Variants in GUCY1A2 observed in about 807,000 individuals in gnomAD.
The protein encoded by GUCY1A2 is guanylate cyclase soluble subunit alpha-2.
In GUCY1A2, 27 loss-of-function variants were observed where a neutral mutation model predicts 63.5. The ratio of observed to expected loss-of-function variants is 0.43; its 90% CI spans 0.31 to 0.59. The LOEUF (loss-of-function observed/expected upper bound fraction) is 0.59, where lower values mean the gene tolerates loss of function less well. Ranked by LOEUF, GUCY1A2 falls within the 20% of genes least tolerant of loss-of-function variation. The pLI, the probability that GUCY1A2 is intolerant of heterozygous loss-of-function variation, is 0.11. For missense variants in GUCY1A2, 768 were observed against 913.3 expected (o/e 0.84, Z 2.05); for synonymous variants, 364 against 343.5 (o/e 1.06, Z -0.66).
At chr11:106,895,377 G>T (rs376041779) in intron 4 of GUCY1A2, among the ~76,000 whole-genome samples, 7 of 152,226 alleles carry the variant, frequency 4.6e-5, no homozygotes, top group African/African-American at 1.2e-4. Flanking sequence ...GAATACTTGT[G>T]ATATGGTTTG....
At chr11:106,821,098 CT>C (rs1194137201) in intron 4 of GUCY1A2, among the ~76,000 whole-genome samples, 1 of 152,078 alleles carries the variant, frequency 6.6e-6, no homozygotes, top group Non-Finnish European at 1.5e-5. Context: ...TGCCACTTTT[CT>C]TTTTAAATCA....
intron 3 of GUCY1A2, among the ~76,000 whole-genome samples, chr11:106,962,597 T>C (rs1861073145): frequency 6.6e-6 from 1 of 150,910 alleles, no homozygotes; most frequent in East Asian, 2.0e-4. Flanking sequence ...TATATGAGTG[T>C]GTGCAGGAAT....
chr11:106,941,193 G>T (rs1312628438), intron 3 of GUCY1A2, among the ~76,000 whole-genome samples: 2 of 152,198 alleles, frequency 1.3e-5, no homozygotes, highest in Non-Finnish European at 2.9e-5. Context: ...AGAATTAAAG[G>T]TTATTGTTAA....
At chr11:106,787,992 A>T (rs918296144) in intron 5 of GUCY1A2, among the ~76,000 whole-genome samples, 1 of 152,272 alleles carries the variant, frequency 6.6e-6, no homozygotes, top group East Asian at 1.9e-4. Context: ...ACTAATTTAC[A>T]TTCCCACCAA....
intron 6 of GUCY1A2, among the ~76,000 whole-genome samples, chr11:106,767,160 A>ATAAC (rs1404385795): frequency 5.3e-5 from 8 of 152,144 alleles, no homozygotes; most frequent in Admixed American, 6.6e-5. Flanking sequence ...GAAATAGATT[A>ATAAC]TAACTTATTT....
At chr11:106,849,740 C>T (rs1859326645) in intron 4 of GUCY1A2, among the ~76,000 whole-genome samples, 1 of 151,754 alleles carries the variant, frequency 6.6e-6, no homozygotes, top group South Asian at 2.1e-4. Context: ...CCAAACCTAC[C>T]TGAAAATTTC....
chr11:106,747,455 G>T (rs755138121), intron 6 of GUCY1A2, among the ~76,000 whole-genome samples: 3 of 152,166 alleles, frequency 2.0e-5, no homozygotes, highest in Non-Finnish European at 4.4e-5. Flanking sequence ...CAGTTTTTCA[G>T]ATTGCTATAC....
At position 106,808,874 on chromosome 11, in the gene GUCY1A2, T is replaced by C. The variant is rs188680729; in HGVS notation, c.1692+1119A>G. Among the ~76,000 whole-genome samples the C allele has an allele frequency of 3.3e-3, 508 of 152,268 alleles. 2 individuals are homozygous for C. Among genetic ancestry groups the C allele is most frequent in the African/African-American group, 0.01 (434 of 41,560 alleles). ...TTGGCTACCACTGCTGTAAATTATA[T>C]ACCAATAAATTATAAGGGAGTTAAA... On this transcript the variant is annotated intron_variant, in intron 5 of 7. Coordinates refer to ENST00000526355, the MANE Select transcript of GUCY1A2 (RefSeq NM_000855.3).
intron 4 of GUCY1A2, among the ~76,000 whole-genome samples, chr11:106,845,993 G>C (rs1282039859): frequency 6.6e-6 from 1 of 151,604 alleles, no homozygotes; most frequent in Non-Finnish European, 1.5e-5. Context: ...ATGTGATACA[G>C]CTCTTGCCAA....
At chr11:106,979,912 A>G (rs897064733) in intron 2 of GUCY1A2, among the ~76,000 whole-genome samples, 2 of 150,554 alleles carry the variant, frequency 1.3e-5, no homozygotes, top group African/African-American at 4.8e-5. Context: ...CTAGGAAGAG[A>G]GTGCTATGGT....
At chr11:106,867,121 G>A (rs1859605310) in intron 4 of GUCY1A2, among the ~76,000 whole-genome samples, 1 of 151,980 alleles carries the variant, frequency 6.6e-6, no homozygotes, top group African/African-American at 2.4e-5. Context: ...CACTCCTTTA[G>A]GAAGCTAAAA....
intron 6 of GUCY1A2, among the ~76,000 whole-genome samples, chr11:106,744,396 A>G (rs1863751130): frequency 6.6e-6 from 1 of 151,942 alleles, no homozygotes. Flanking sequence ...ACAGGCACCC[A>G]CCACCACACC....
intron 6 of GUCY1A2, among the ~76,000 whole-genome samples, chr11:106,722,459 C>A (rs763667714): frequency 2.6e-5 from 4 of 151,780 alleles, no homozygotes; most frequent in Non-Finnish European, 4.4e-5. Flanking sequence ...CAAGATTTTT[C>A]TTTTAGTGTT....
intron 4 of GUCY1A2, among the ~76,000 whole-genome samples, chr11:106,921,582 A>C (rs937620527): frequency 6.6e-6 from 1 of 152,016 alleles, no homozygotes; most frequent in Non-Finnish European, 1.5e-5. Flanking sequence ...CAAAGAACCA[A>C]TTGTCCACTC....
intron 4 of GUCY1A2, chr11:106,936,612 A>C (rs1860680215): frequency 8.4e-7 from 1 of 1,187,884 alleles, no homozygotes; most frequent in Admixed American, 2.0e-5. Context: ...GATAGAATCA[A>C]AGCTTGGTCA....
chr11:106,935,477 G>A (rs1365215593), intron 4 of GUCY1A2, among the ~76,000 whole-genome samples: 1 of 152,086 alleles, frequency 6.6e-6, no homozygotes, highest in Non-Finnish European at 1.5e-5. Flanking sequence ...TCCCTTCATG[G>A]TAGGTAAGTC....
At chr11:106,723,143 C>T (rs550200888) in intron 6 of GUCY1A2, among the ~76,000 whole-genome samples, 1 of 152,310 alleles carries the variant, frequency 6.6e-6, no homozygotes, top group Non-Finnish European at 1.5e-5. Flanking sequence ...TGTGCCCCAA[C>T]ACTTCTCTTG....
intron 4 of GUCY1A2, among the ~76,000 whole-genome samples, chr11:106,906,877 T>G (rs1004871335): frequency 6.6e-6 from 1 of 151,420 alleles, no homozygotes; most frequent in East Asian, 1.9e-4. Flanking sequence ...TAGGTGGGAG[T>G]TGAACAATGA....
chr11:106,978,805 T>TAC (rs2120118960), intron 2 of GUCY1A2, 65 bp from the exon 3 acceptor site: 2 of 1,086,386 alleles, frequency 1.8e-6, no homozygotes, highest in East Asian at 4.8e-5. Flanking sequence ...GCAACTCATA[T>TAC]ACACACGCAC....
Sources: allele counts gnomAD v4.1 joint callset (sites outside exome capture counted in the v4.1 genomes callset), GRCh38; gene constraint gnomAD v4.1.1; transcripts MANE v1.5; gene names NCBI Gene and HGNC (gene_info 2026-07-23, HGNC 2026-07-21).